The following MYO18B variants were observed in gnomAD, a reference collection of about 807,000 sequenced individuals.
MYO18B encodes the protein myosin XVIIIB, also known as unconventional myosin-XVIIIb.
MYO18B carries 204 observed loss-of-function variants against 273.0 expected under a neutral mutation model. The observed-to-expected ratio is 0.75, with a 90% confidence interval of 0.67 to 0.84. The LOEUF is 0.84. MYO18B is among the 40% of genes least tolerant of loss of function. MYO18B has a pLI of 0.00. For missense variants in MYO18B, 3,212 were observed against 3,287.6 expected (o/e 0.98, Z 0.56); for synonymous variants, 1,330 against 1,305.7 (o/e 1.02, Z -0.40).
intron 22 of MYO18B, 88 bp downstream of exon 22, chr22:25,868,473 T>C (rs1320954722): frequency 8.0e-6 from 9 of 1,131,446 alleles, no homozygotes; most frequent in Non-Finnish European, 9.0e-6. Flanking sequence ...AATTGTCTAT[T>C]ATCTCTGTAC....
At chr22:25,855,051 C>T (rs2090526924) in intron 21 of MYO18B, among the ~76,000 whole-genome samples, 1 of 152,030 alleles carries the variant, frequency 6.6e-6, no homozygotes, top group African/African-American at 2.4e-5. Context: ...GGTATTAAGC[C>T]TAGTACCCAT....
intron 33 of MYO18B, among the ~76,000 whole-genome samples, chr22:25,919,320 C>T (rs2092307105): frequency 6.6e-6 from 1 of 152,160 alleles, no homozygotes; most frequent in East Asian, 1.9e-4. Context: ...TACCACTTTC[C>T]AGCCAGAAAA....
At chr22:26,021,238 C>T (rs1486815204) in intron 42 of MYO18B, among the ~76,000 whole-genome samples, 1 of 152,136 alleles carries the variant, frequency 6.6e-6, no homozygotes, top group Non-Finnish European at 1.5e-5. Flanking sequence ...TTTTCATGTC[C>T]TAGTTTACCT....
chr22:25,957,912 C>CTTTTTTTTT (rs1330432024), intron 39 of MYO18B, among the ~76,000 whole-genome samples: 1 of 128,906 alleles, frequency 7.8e-6, no homozygotes, highest in African/African-American at 2.8e-5. Context: ...AACGCTTTTG[C>CTTTTTTTTT]TTTTTTTTTT....
chr22:25,921,768 G>C (rs60774968), intron 34 of MYO18B, among the ~76,000 whole-genome samples: 1 of 148,908 alleles, frequency 6.7e-6, no homozygotes, highest in Non-Finnish European at 1.5e-5. Context: ...GCGTGTATGC[G>C]TGTGTGTGTG....
At chr22:25,932,414 T>TC (rs796132796) in intron 34 of MYO18B, among the ~76,000 whole-genome samples, 78 of 149,860 alleles carry the variant, frequency 5.2e-4, no homozygotes, top group African/African-American at 1.9e-3. Flanking sequence ...TTTCTTTCTT[T>TC]TTTTTTTCTT....
chr22:25,904,827 G>T (rs1050716001), intron 31 of MYO18B, among the ~76,000 whole-genome samples: 1 of 151,984 alleles, frequency 6.6e-6, no homozygotes, highest in Non-Finnish European at 1.5e-5. Context: ...GAGGGTGGGG[G>T]CAGTGAATTA....
intron 21 of MYO18B, among the ~76,000 whole-genome samples, chr22:25,855,661 A>C (rs1324663699): frequency 6.6e-6 from 1 of 152,170 alleles, no homozygotes; most frequent in African/African-American, 2.4e-5. Context: ...ACTGATGGGC[A>C]TTTAGGGTGA....
intron 12 of MYO18B, among the ~76,000 whole-genome samples, chr22:25,812,674 A>G (rs757320819): frequency 1.9e-4 from 29 of 152,202 alleles, no homozygotes; most frequent in Non-Finnish European, 3.7e-4. Context: ...GGGCTCTGCC[A>G]GTTCCCATAG....
chr22:25,807,136 A>G (rs187197219), intron 12 of MYO18B, among the ~76,000 whole-genome samples: 5 of 152,334 alleles, frequency 3.3e-5, no homozygotes, highest in African/African-American at 7.2e-5. Flanking sequence ...TGCACCTCTC[A>G]GAGGTGTGGC....
At chr22:25,809,128 A>C (rs2088617708) in intron 12 of MYO18B, among the ~76,000 whole-genome samples, 1 of 152,100 alleles carries the variant, frequency 6.6e-6, no homozygotes, top group African/African-American at 2.4e-5. Context: ...TTTTTAGTAG[A>C]GATGGGGTTT....
intron 38 of MYO18B, among the ~76,000 whole-genome samples, chr22:25,953,795 A>G (rs2092818696): frequency 1.3e-5 from 2 of 152,218 alleles, no homozygotes; most frequent in South Asian, 2.1e-4. Flanking sequence ...GAAAAATTCT[A>G]TCTCCAAATT....
Position 25,798,070 on chromosome 22 carries a change from C to A in MYO18B, c.2494C>A (p.His832Asn). ...AVWRVLAAIY[H>N]LGAAGACKVG... The stretch of plus-strand genomic sequence containing the variant: ...TTGGCGGGTCCTGGCAGCCATCTAC[C>A]ACCTGGGTGCGGCGGGGGCCTGCAA... The change falls in exon 12 of 44, where the codon CAC (histidine) becomes AAC (asparagine). Residue 832 changes from histidine (H) to asparagine (N), a missense_variant. By Grantham distance (68) the His-to-Asn change is moderately conservative. Coordinates refer to ENST00000335473, the MANE Select transcript of MYO18B (RefSeq NM_032608.7). 6.2e-7 allele frequency: 1 copy of A among 1,610,916 alleles called. No homozygotes were observed. Among genetic ancestry groups the A allele is most frequent in the South Asian group, 1.1e-5 (1 of 91,028 alleles).
intron 39 of MYO18B, among the ~76,000 whole-genome samples, 152 bp from the exon 40 acceptor site, chr22:25,992,211 T>C (rs1320668318): frequency 6.6e-6 from 1 of 152,182 alleles, no homozygotes; most frequent in Non-Finnish European, 1.5e-5. Context: ...CATAAATCTG[T>C]CCGCAGAGAG....
intron 31 of MYO18B, among the ~76,000 whole-genome samples, chr22:25,905,713 GC>G (rs2092029558): frequency 6.6e-6 from 1 of 152,144 alleles, no homozygotes; most frequent in Non-Finnish European, 1.5e-5. Context: ...CCTTAGGCAA[GC>G]CCCTGTTTTC....
downstream of MYO18B, among the ~76,000 whole-genome samples, chr22:26,033,778 CTT>C: frequency 7.2e-6 from 1 of 138,494 alleles, no homozygotes; most frequent in South Asian, 2.2e-4. Context: ...GTATCTTTTT[CTT>C]TCTTTTTCTG....
At chr22:25,760,606 C>G (rs952438616) in intron 1 of MYO18B, among the ~76,000 whole-genome samples, 8 of 152,126 alleles carry the variant, frequency 5.3e-5, no homozygotes, top group African/African-American at 1.9e-4. Flanking sequence ...CTCTGACTTC[C>G]TTTACCATAG....
chr22:25,816,807 T>C (rs1050726182), intron 12 of MYO18B, among the ~76,000 whole-genome samples: 2 of 152,184 alleles, frequency 1.3e-5, no homozygotes, highest in Non-Finnish European at 2.9e-5. Flanking sequence ...GAACATTGCC[T>C]TTTCCTGTAG....
Position 26,026,925 on chromosome 22 carries a change from T to C in MYO18B, c.6951T>C (p.Ala2317=). The change falls in exon 43 of 44, where the codon GCT becomes GCC. Residue 2317 remains alanine (A), a synonymous_variant. Transcript: ENST00000335473. ...CACCCCTGGAAATCGAAGGGGCCGC[T>C]GGTGGTCTCTTGAGGTCCACCAGCC... ...AKSPLEIEGA[A]GGLLRSTSLK... The C allele has an allele frequency of 6.2e-7, 1 of 1,612,578 alleles. No homozygotes were observed. The highest frequency in any genetic ancestry group is 8.5e-7 in the Non-Finnish European group (1 of 1,179,000).
Sources: allele counts gnomAD v4.1 joint callset (sites outside exome capture counted in the v4.1 genomes callset), GRCh38; gene constraint gnomAD v4.1.1; transcripts MANE v1.5; gene names NCBI Gene and HGNC (gene_info 2026-07-23, HGNC 2026-07-21).